The following OVCH1 variants were observed in gnomAD, a reference collection of about 807,000 sequenced individuals.
The protein encoded by OVCH1 is ovochymase-1.
OVCH1 carries 139 observed loss-of-function variants against 138.4 expected under a neutral mutation model. That is an observed-to-expected ratio of 1.00 (90% CI 0.87 to 1.16). The LOEUF (loss-of-function observed/expected upper bound fraction) is 1.16, where lower values mean the gene tolerates loss of function less well. OVCH1 is among the 50% of genes most tolerant of loss of function. The pLI, the probability that OVCH1 is intolerant of heterozygous loss-of-function variation, is 0.00. For synonymous variants in OVCH1, 453 were observed against 467.8 expected (o/e 0.97, Z 0.41); for missense variants, 1,367 against 1,357.9 (o/e 1.01, Z -0.11).
At chr12:29,449,386 T>G (rs1941714150) in intron 22 of OVCH1, among the ~76,000 whole-genome samples, 1 of 151,972 alleles carries the variant, frequency 6.6e-6, no homozygotes, top group Admixed American at 6.6e-5. Flanking sequence ...TTTTTTTTTC[T>G]AATTCTGTGA....
intron 1 of OVCH1, among the ~76,000 whole-genome samples, chr12:29,497,306 A>G (rs1375978333): frequency 6.7e-6 from 1 of 148,470 alleles, no homozygotes; most frequent in African/African-American, 2.6e-5. Context: ...GACCTATACT[A>G]CTCCGGAAGG....
chr12:29,447,238 T>C (rs1941642734), intron 22 of OVCH1, among the ~76,000 whole-genome samples: 1 of 152,082 alleles, frequency 6.6e-6, no homozygotes, highest in South Asian at 2.1e-4. Flanking sequence ...GGAGGATCTT[T>C]TGAGCCCAGG....
At chr12:29,412,297 C>CAT (rs1565559458), downstream of OVCH1, among the ~76,000 whole-genome samples, 105 of 151,800 alleles carry the variant, frequency 6.9e-4, no homozygotes, top group Middle Eastern at 6.8e-3. Flanking sequence ...GGCTCACGCA[C>CAT]GGTGAGCTGC....
chr12:29,476,749 A>ACGCGCGCGCGCGCGCG (rs145053170), intron 12 of OVCH1, among the ~76,000 whole-genome samples: 1 of 17,160 alleles, frequency 5.8e-5, no homozygotes, highest in African/African-American at 1.0e-4. Flanking sequence ...ATAAGTACAC[A>ACGCGCGCGCGCGCGCG]CGCGCGCACA....
chr12:29,405,247 A>G, the OVCH1 span, among the ~76,000 whole-genome samples: 2 of 152,068 alleles, frequency 1.3e-5, no homozygotes, highest in African/African-American at 2.4e-5. Context: ...TTTTAAAACT[A>G]CCATGCATCT....
chr12:29,425,534 C>T (rs1416499295), downstream of OVCH1, among the ~76,000 whole-genome samples: 1 of 152,206 alleles, frequency 6.6e-6, no homozygotes, highest in South Asian at 2.1e-4. Context: ...ATGACTACCA[C>T]GTGGTTAGAA....
At chr12:29,414,056 G>T (rs1415615690) in intron 3 of OVCH1, among the ~76,000 whole-genome samples, 6 of 126,580 alleles carry the variant, frequency 4.7e-5, no homozygotes, top group Admixed American at 2.5e-4. Flanking sequence ...GTATTGCTCT[G>T]TCACCCAGGC....
At chr12:29,474,294 A>G (rs2136019213) in intron 14 of OVCH1, among the ~76,000 whole-genome samples, 1 of 152,298 alleles carries the variant, frequency 6.6e-6, no homozygotes, top group South Asian at 2.1e-4. Context: ...CTGGAGTCAG[A>G]GAGGCCAAGT....
chr12:29,463,162 G>T (rs148926971), intron 18 of OVCH1, among the ~76,000 whole-genome samples: 1 of 152,266 alleles, frequency 6.6e-6, no homozygotes, highest in African/African-American at 2.4e-5. Flanking sequence ...CCTCCAAGAG[G>T]TTCTCAGTCT....
At chr12:29,428,659 T>C (rs766289071) in intron 27 of OVCH1, among the ~76,000 whole-genome samples, 1 of 152,206 alleles carries the variant, frequency 6.6e-6, no homozygotes, top group Non-Finnish European at 1.5e-5. Context: ...TAGGCAACTT[T>C]GGAACTTCAA....
intron 8 of OVCH1, 22 bp from the exon 10 acceptor site, chr12:29,478,990 AAAATGTAAT>A: frequency 1.1e-6 from 1 of 922,454 alleles, no homozygotes; most frequent in Non-Finnish European, 1.6e-6. Context: ...GAAGGTGAAG[AAAATGTAAT>A]AAATGGAAGA....
chr12:29,416,360 AG>A (rs756422583), intron 3 of OVCH1, among the ~76,000 whole-genome samples: 1 of 152,110 alleles, frequency 6.6e-6, no homozygotes, highest in Non-Finnish European at 1.5e-5. Flanking sequence ...CTCTGTTAAG[AG>A]GATGAAGAGA....
At chr12:29,481,320 G>C (rs896548812) in intron 8 of OVCH1, among the ~76,000 whole-genome samples, 43 of 152,056 alleles carry the variant, frequency 2.8e-4, no homozygotes, top group African/African-American at 1.0e-3. Context: ...TATTGAAGCA[G>C]TATTTTACAA....
At chr12:29,474,923 G>T in intron 14 of OVCH1, 138 bp downstream of exon 14, 1 of 985,102 alleles carries the variant, frequency 1.0e-6, no homozygotes, top group Non-Finnish European at 1.4e-6. Context: ...GTTTCTAGGG[G>T]TGGATCCAGA....
chr12:29,468,165 TCAGA>T lies in OVCH1; in HGVS notation c.1857-2950_1857-2947del, dbSNP rs776874110. Among the ~76,000 whole-genome samples the T allele has an allele frequency of 1.2e-3, 183 of 152,172 alleles. 1 individual carries two copies. Among genetic ancestry groups the T allele is most frequent in the Non-Finnish European group, 2.2e-3 (153 of 68,012 alleles). ...TGTACGTTTAAATATTAGTGGAAAA[TCAGA>T]CAGCTGAAACATTCTTAATATTGAT... On this transcript the variant is annotated intron_variant, in intron 16 of 27. Transcript: ENST00000318184.
At chr12:29,419,293 ATTTT>A (rs547040895) in intron 3 of OVCH1, among the ~76,000 whole-genome samples, 1 of 147,628 alleles carries the variant, frequency 6.8e-6, no homozygotes, top group Non-Finnish European at 1.5e-5. Flanking sequence ...ACAAAGTATG[ATTTT>A]TTTTTTTTGA....
chr12:29,417,460 C>CAAAAAAAAAAAAA lies in OVCH1; in HGVS notation c.*72-4748_*72-4736dup. On this transcript the variant is annotated intron_variant and NMD_transcript_variant, in intron 3 of 4. Coordinates refer to the OVCH1 transcript ENST00000539117. ...CCTGGGTGACAGAAACACTCCGTCTCAAAAAAAAAAAAAAAAAAAAAAAAG... is the reference window on the plus strand; with the variant it reads ...CCTGGGTGACAGAAACACTCCGTCTCAAAAAAAAAAAAAAAAAAAAAAAAAAAAAAAAAAAAAG... Among the ~76,000 whole-genome samples the CAAAAAAAAAAAAA allele has an allele frequency of 3.3e-5, 2 of 60,742 alleles. 1 individual carries two copies. The highest frequency in any genetic ancestry group is 4.5e-4 in the Admixed American group (2 of 4,456). 39.8% of individuals were successfully genotyped at this position (60,742 alleles called of 152,430 possible). A position where few individuals can be genotyped will look rare whatever the true frequency, so the allele number is the denominator to read the frequency against.
chr12:29,427,514 T>C, downstream of OVCH1: 1 of 1,544,752 alleles, frequency 6.5e-7, no homozygotes. Context: ...TGAGACAGAA[T>C]GTGCTTGGTT....
chr12:29,463,291 TG>T (rs1207213701), intron 18 of OVCH1, among the ~76,000 whole-genome samples: 1 of 152,126 alleles, frequency 6.6e-6, no homozygotes, highest in East Asian at 1.9e-4. Context: ...TGCAGCAATG[TG>T]GGCCACGAAA....
Sources: allele counts gnomAD v4.1 joint callset (sites outside exome capture counted in the v4.1 genomes callset), GRCh38; gene constraint gnomAD v4.1.1; transcripts MANE v1.5; gene names NCBI Gene and HGNC (gene_info 2026-07-23, HGNC 2026-07-21).